BRD1: variants seen among roughly 807,000 people sequenced by gnomAD.
The protein encoded by BRD1 is bromodomain-containing protein 1.
Under a neutral mutation model 107.7 loss-of-function variants are expected in BRD1, and 24 were observed. The observed-to-expected ratio is 0.22, with a 90% CI of 0.16 to 0.31. BRD1 has a LOEUF of 0.31. Ranked by LOEUF, BRD1 falls within the 10% of genes least tolerant of loss-of-function variation. The pLI is 1.00. For synonymous variants in BRD1, 744 were observed against 686.1 expected (o/e 1.08, Z -1.32); for missense variants, 1,279 against 1,638.6 (o/e 0.78, Z 3.79).
In BRD1 at chr22:49,777,279, G is replaced by A. The variant is rs61449794; in HGVS notation, c.2994-118C>T. 98 of 1,485,340 alleles carry A rather than the reference G, an allele frequency of 6.6e-5. No homozygotes were observed. In the East Asian group the frequency reaches 1.0e-3, roughly 16 times the overall value. The allele number at this position is 1,485,340 out of a possible 1,614,324, so 92.0% of individuals were successfully genotyped here. A position where few individuals can be genotyped will look rare whatever the true frequency, so the allele number is the denominator to read the frequency against. ...GCCACGCATCCTGCCTGACACCCCC[G>A]CGGCCAGACGGGCCTGTGGGTGCGC... is the stretch of plus-strand genomic sequence containing the variant. On this transcript the variant is annotated intron_variant, in intron 9 of 12. Transcript: ENST00000404760.
intron 3 of BRD1, among the ~76,000 whole-genome samples, chr22:49,800,305 G>C (rs1387385284): frequency 6.6e-6 from 1 of 152,182 alleles, no homozygotes; most frequent in African/African-American, 2.4e-5. Context: ...GCAGAGCGTT[G>C]CTGCGCTGAT....
intron 8 of BRD1, among the ~76,000 whole-genome samples, chr22:49,784,395 C>T (rs774000464): frequency 3.3e-5 from 5 of 152,148 alleles, no homozygotes; most frequent in Non-Finnish European, 7.3e-5. Context: ...AGTGGAAGGC[C>T]GCTTCAGGTG....
intron 7 of BRD1, among the ~76,000 whole-genome samples, chr22:49,789,490 T>TCCCCCCCCCCCCCCCCCCCCCCC (rs377366419): frequency 7.2e-6 from 1 of 139,682 alleles, no homozygotes; most frequent in Non-Finnish European, 1.6e-5. Context: ...CCTCCTAGCC[T>TCCCCCCCCCCCCCCCCCCCCCCC]CCCCCCCCCG....
rs377117139 is a variant in BRD1, at chr22:49,779,633, C to T, written c.2858-1820G>A. On this transcript the variant is annotated intron_variant, in intron 8 of 12. Transcript: ENST00000404760. The stretch of plus-strand genomic sequence containing the variant: ...CTACAGGAGAAGGCCTTGAGCCACA[C>T]GCTGAGCTGCCCTGGGGCTCCACAT... Among the ~76,000 whole-genome samples, 5 of 152,328 alleles carry T rather than the reference C, an allele frequency of 3.3e-5. No homozygotes were observed. In the South Asian group the frequency reaches 6.2e-4, roughly 19 times the overall value.
At chr22:49,775,794 A>T in intron 11 of BRD1, 49 bp from the exon 12 acceptor site, 1 of 1,491,672 alleles carries the variant, frequency 6.7e-7, no homozygotes, top group Admixed American at 1.9e-5. Context: ...ACACCCATAA[A>T]CAACCCCACC....
At chr22:49,817,096 T>C (rs781054702) in intron 2 of BRD1, among the ~76,000 whole-genome samples, 2 of 152,190 alleles carry the variant, frequency 1.3e-5, no homozygotes, top group Non-Finnish European at 2.9e-5. Context: ...AGCTGCTCTA[T>C]GACCCCAGCT....
In BRD1 at chr22:49,787,724, G is replaced by A; in HGVS notation, c.2523C>T (p.Cys841=). ...VTFDNESHSA[C]TQSALVSGRP... Reference sequence around the variant, plus strand: ...GTCCGCTTACCAGTGCGCTCTGAGTGCAAGCGCTATGTGATTCATTATCAA... The same window carrying A: ...GTCCGCTTACCAGTGCGCTCTGAGTACAAGCGCTATGTGATTCATTATCAA... Residue 841 remains cysteine (C), a synonymous_variant, in exon 8 of 13, where the codon TGC becomes TGT. Coordinates refer to ENST00000404760, the MANE Select transcript of BRD1 (RefSeq NM_001304808.3). The A allele has an allele frequency of 6.4e-7, 1 of 1,550,828 alleles. No individual in the cohort carries two copies. The highest frequency in any genetic ancestry group is 1.2e-5 in the South Asian group (1 of 84,064).
chr22:49,802,880 T>C (rs909097355), intron 3 of BRD1, among the ~76,000 whole-genome samples: 11 of 152,198 alleles, frequency 7.2e-5, no homozygotes, highest in Non-Finnish European at 1.5e-4. Context: ...GGTTAACTCA[T>C]TCAACAGCCA....
rs1049841628 is a variant in BRD1 at position 49,808,100 on chromosome 22, T to C, written c.1368-3740A>G. Among the ~76,000 whole-genome samples the C allele has an allele frequency of 5.3e-5, 8 of 152,202 alleles. No homozygotes were observed. In the East Asian group the frequency reaches 1.5e-3, roughly 29 times the overall value. On this transcript the variant is annotated intron_variant, in intron 2 of 12. Transcript: ENST00000404760. The stretch of plus-strand genomic sequence containing the variant: ...CCGCCGGCAAGAACGTAAAAAGGTG[T>C]AGCCGCTGTGGAAAACAGTGTTGTG...
chr22:49,786,730 G>A (rs1205613812), intron 8 of BRD1, among the ~76,000 whole-genome samples: 6 of 152,158 alleles, frequency 3.9e-5, no homozygotes, highest in Non-Finnish European at 7.4e-5. Flanking sequence ...GCTGGGAGCG[G>A]CCAGTCACCA....
intron 5 of BRD1, 70 bp from the exon 6 acceptor site, chr22:49,798,187 T>G: frequency 7.0e-7 from 1 of 1,424,082 alleles, no homozygotes; most frequent in South Asian, 1.3e-5. Flanking sequence ...ATATTTATTA[T>G]TCCATATAAC....
intron 6 of BRD1, 96 bp downstream of exon 6, chr22:49,797,709 C>T (rs933379889): frequency 1.3e-5 from 18 of 1,336,530 alleles, no homozygotes; most frequent in East Asian, 7.2e-5. Context: ...TAGTGGCTCC[C>T]GGACCATGCT....
At chr22:49,775,106 G>A (rs995421102) in intron 12 of BRD1, among the ~76,000 whole-genome samples, 5 of 152,220 alleles carry the variant, frequency 3.3e-5, no homozygotes, top group Admixed American at 6.5e-5. Context: ...GGTCCCAGAC[G>A]CTCTGGGGAA....
chr22:49,820,126 C>T (rs1003429911), intron 2 of BRD1, among the ~76,000 whole-genome samples: 1 of 150,944 alleles, frequency 6.6e-6, no homozygotes, highest in Admixed American at 6.6e-5. Flanking sequence ...CAAGACTCCA[C>T]CTCAAAAAAA....
chr22:49,804,163 T>G, intron 3 of BRD1, 41 bp downstream of exon 3: 4 of 1,504,670 alleles, frequency 2.7e-6, no homozygotes, highest in Non-Finnish European at 3.6e-6. Context: ...AGGGTGGGGG[T>G]GAGAGACGCA....
At chr22:49,815,556 A>T (rs1172660758) in intron 2 of BRD1, among the ~76,000 whole-genome samples, 1 of 152,154 alleles carries the variant, frequency 6.6e-6, no homozygotes, top group African/African-American at 2.4e-5. Context: ...AAGAAGAAAA[A>T]AAAAAAAACT....
Position 49,787,307 on chromosome 22 carries a change from C to CT in BRD1, c.2857+82_2857+83insA, listed in dbSNP as rs11433251. The CT allele has an allele frequency of 6.7e-6, 7 of 1,042,108 alleles. 1 individual carries two copies. Among genetic ancestry groups the CT allele is most frequent in the East Asian group, 3.7e-5 (1 of 26,966 alleles). 64.6% of individuals were successfully genotyped at this position (1,042,108 alleles called of 1,614,324 possible). On this transcript the variant is annotated intron_variant, in intron 8 of 12. Coordinates refer to ENST00000404760, the MANE Select transcript of BRD1 (RefSeq NM_001304808.3). Reference sequence around the variant, plus strand: ...AAAAACAGAAGCTGGACACCCCCCCCCCCCCGTCACACCAATGATCCTGAA... The same window carrying CT: ...AAAAACAGAAGCTGGACACCCCCCCCTCCCCCGTCACACCAATGATCCTGAA...
At chr22:49,805,635 A>T (rs76415002) in intron 2 of BRD1, 2 of 153,390 alleles carry the variant, frequency 1.3e-5, no homozygotes, top group East Asian at 3.8e-4. Context: ...GGACCTGGTC[A>T]CCTCATGGCC....
chr22:49,810,778 G>T (rs1301800410), intron 2 of BRD1, among the ~76,000 whole-genome samples: 1 of 152,220 alleles, frequency 6.6e-6, no homozygotes, highest in Non-Finnish European at 1.5e-5. Context: ...CATGGAATGG[G>T]TATCATCAAA....
Sources: allele counts gnomAD v4.1 joint callset (sites outside exome capture counted in the v4.1 genomes callset), GRCh38; gene constraint gnomAD v4.1.1; transcripts MANE v1.5; gene names NCBI Gene and HGNC (gene_info 2026-07-23, HGNC 2026-07-21).